Variants in CNIH2 observed in about 807,000 individuals in gnomAD.
CNIH2 encodes cornichon family AMPA receptor auxiliary protein 2.
A neutral mutation model predicts 22.9 loss-of-function variants in CNIH2; 8 were observed. The ratio of observed to expected loss-of-function variants is 0.35; its 90% CI spans 0.20 to 0.63. The LOEUF is 0.63. Among genes scored for constraint, CNIH2 ranks in the 30% least tolerant of loss-of-function variants. The probability of loss-of-function intolerance (pLI) is 0.72; values close to 1 mark genes in which losing one functional copy is unlikely to be tolerated. For synonymous variants in CNIH2, 74 were observed against 78.2 expected (o/e 0.95, Z 0.28); for missense variants, 105 against 206.2 (o/e 0.51, Z 3.01).
At position 66,283,743 on chromosome 11, in the gene CNIH2, G is replaced by C. The variant is rs1474844511; in HGVS notation, c.*146G>C. On this transcript the variant is annotated 3_prime_UTR_variant, in exon 6 of 6. Transcript: ENST00000311445. ...TCTCCAACCCCCAAACTGCTGCTGCGGGGAACCCCCCCCACCCCGCCTTCA... is the reference window on the plus strand; with the variant it reads ...TCTCCAACCCCCAAACTGCTGCTGCCGGGAACCCCCCCCACCCCGCCTTCA... 5.8e-6 allele frequency: 5 copies of C among 858,388 alleles called. No homozygotes were observed. Among genetic ancestry groups the C allele is most frequent in the Non-Finnish European group, 8.9e-6 (5 of 561,936 alleles). 53.2% of individuals were successfully genotyped at this position (858,388 alleles called of 1,614,324 possible). A position where few individuals can be genotyped will look rare whatever the true frequency, so the allele number is the denominator to read the frequency against.
Position 66,281,139 on chromosome 11 carries a change from C to T in CNIH2, c.82-1120C>T, listed in dbSNP as rs80213880. Among the ~76,000 whole-genome samples the T allele has an allele frequency of 9.5e-3, 1,445 of 152,306 alleles. 20 individuals carry two copies. Among genetic ancestry groups the T allele is most frequent in the African/African-American group, 0.032 (1,327 of 41,548 alleles). ...GCTGTAGAATCCCATGCACGCCTTC[C>T]GTCTCCACTACAACTCTCCTCACTC... On this transcript the variant is annotated intron_variant, in intron 1 of 5. Coordinates refer to ENST00000311445, the MANE Select transcript of CNIH2 (RefSeq NM_182553.3).
At chr11:66,281,907 C>T (rs1303526168) in intron 1 of CNIH2, among the ~76,000 whole-genome samples, 1 of 152,226 alleles carries the variant, frequency 6.6e-6, no homozygotes, top group South Asian at 2.1e-4. Context: ...GTGATCATCC[C>T]TCTGGGCCTG....
intron 2 of CNIH2, 163 bp downstream of exon 2, chr11:66,282,490 A>G: frequency 4.1e-6 from 4 of 964,212 alleles, no homozygotes; most frequent in Non-Finnish European, 4.8e-6. Context: ...GCGCGGGCTC[A>G]GGGCTGAGTT....
chr11:66,282,628 A>G (rs1857277691), intron 2 of CNIH2, 105 bp from the exon 3 acceptor site: 4 of 1,356,874 alleles, frequency 2.9e-6, no homozygotes, highest in African/African-American at 1.4e-5. Context: ...ACAGTGCCGC[A>G]GAGATCGCTC....
chr11:66,278,813 G>T (rs1400324925), intron 1 of CNIH2, among the ~76,000 whole-genome samples: 1 of 150,160 alleles, frequency 6.7e-6, no homozygotes, highest in Admixed American at 6.6e-5. Flanking sequence ...CCCGTGAGGT[G>T]GGGGGTGGAA....
intron 3 of CNIH2, 50 bp downstream of exon 3, chr11:66,282,830 ACTGT>A (rs748580114): frequency 7.6e-6 from 12 of 1,580,056 alleles, no homozygotes; most frequent in Non-Finnish European, 1.0e-5. Context: ...CGCTGCCCCC[ACTGT>A]CTGTGGCCCA....
intron 1 of CNIH2, chr11:66,281,609 G>A (rs567331848): frequency 9.1e-5 from 35 of 384,940 alleles, no homozygotes; most frequent in African/African-American, 6.9e-4. Flanking sequence ...CTCACAGGGC[G>A]CCCATGTCTG....
At position 66,283,148 on chromosome 11, in the gene CNIH2, G is replaced by A; in HGVS notation, c.311+1G>A. ...CCCTCCTCTTCTACCACCTCTGGAG[G>A]TGAGGGTAGCAGCTGCCTTGGGGAG... On this transcript the variant is annotated splice_donor_variant, in intron 4 of 5. Coordinates refer to ENST00000311445, the MANE Select transcript of CNIH2 (RefSeq NM_182553.3). LOFTEE classifies it high-confidence loss of function. 6.2e-7 allele frequency: 1 copy of A among 1,613,846 alleles called. No homozygotes were observed. Among genetic ancestry groups the A allele is most frequent in the Non-Finnish European group, 8.5e-7 (1 of 1,179,858 alleles).
Position 66,283,491 on chromosome 11 carries a change from CA to C in CNIH2, c.456-78del. 3.1e-6 allele frequency: 5 copies of C among 1,608,214 alleles called. No homozygotes were observed. In the South Asian group the frequency reaches 5.5e-5, roughly 18 times the overall value. On this transcript the variant is annotated intron_variant, in intron 5 of 5. Coordinates refer to ENST00000311445, the MANE Select transcript of CNIH2 (RefSeq NM_182553.3). ...GCCTTTTGCCCCTGAGGACTGAGGGCAGCCCAGGGTGTGACCAGGTGGGCAT... is the reference window on the plus strand; with the variant it reads ...GCCTTTTGCCCCTGAGGACTGAGGGCGCCCAGGGTGTGACCAGGTGGGCAT...
intron 5 of CNIH2, 64 bp downstream of exon 5, chr11:66,283,455 C>T (rs1010485188): frequency 1.2e-6 from 2 of 1,611,546 alleles, no homozygotes; most frequent in Non-Finnish European, 1.7e-6. Flanking sequence ...CGCTTCCAAT[C>T]CCAAGTTCCT....
intron 1 of CNIH2, among the ~76,000 whole-genome samples, chr11:66,279,906 G>A (rs1230910308): frequency 6.6e-6 from 1 of 152,094 alleles, no homozygotes; most frequent in Non-Finnish European, 1.5e-5. Flanking sequence ...CCTCTCCCCC[G>A]CACCCCGAGT....
rs1197794168 is a variant in CNIH2 at position 66,282,249 on chromosome 11, C to T, written c.82-10C>T. 6.2e-7 allele frequency: 1 copy of T among 1,613,122 alleles called. No homozygotes were observed. Among genetic ancestry groups the T allele is most frequent in the Admixed American group, 1.7e-5 (1 of 60,010 alleles). On this transcript the variant is annotated splice_polypyrimidine_tract_variant and intron_variant, in intron 1 of 5. Transcript: ENST00000311445. ...GCCCCAACCCTGACGGGCACACGCC[C>T]CTCCCCCAGATCATAGCCTTTGATG...
Position 66,283,409 on chromosome 11 carries a change from G to C in CNIH2, c.455+18G>C, listed in dbSNP as rs1337528671. 2 of 1,614,024 alleles carry C rather than the reference G, an allele frequency of 1.2e-6. No individual in the cohort carries two copies. The highest frequency in any genetic ancestry group is 1.7e-6 in the Non-Finnish European group (2 of 1,179,910). On this transcript the variant is annotated intron_variant, in intron 5 of 5. Coordinates refer to ENST00000311445, the MANE Select transcript of CNIH2 (RefSeq NM_182553.3). ...CTGTACAGGTGAGGCCTTGCCCACA[G>C]CAGTCAGAACTCAGGGAAGGGATGT...
At chr11:66,282,478 T>TG in intron 2 of CNIH2, 151 bp downstream of exon 2, 1 of 1,027,124 alleles carries the variant, frequency 9.7e-7, no homozygotes, top group Non-Finnish European at 1.5e-6. Flanking sequence ...AGCAAACACC[T>TG]GGCGCGGGCT....
At chr11:66,281,460 G>A (rs894870484) in intron 1 of CNIH2, 7 of 456,256 alleles carry the variant, frequency 1.5e-5, no homozygotes, top group South Asian at 4.6e-5. Flanking sequence ...CAGTGAGCTC[G>A]GATTTCCTGC....
intron 1 of CNIH2, 75 bp downstream of exon 1, chr11:66,278,612 C>A: frequency 8.8e-7 from 1 of 1,139,874 alleles, no homozygotes. Context: ...GGACCCAGGG[C>A]GGGTGGTCTC....
rs556964352 is a variant in CNIH2, at chr11:66,278,385, G to T, written c.-72G>T. On this transcript the variant is annotated 5_prime_UTR_variant, in exon 1 of 6. Transcript: ENST00000311445. The stretch of plus-strand genomic sequence containing the variant: ...GCCATGCCCGGCCGGCCCTAAGCGC[G>T]GGCCGGGGGGCGTCCCCTTGCGCCC... 37 of 557,044 alleles carry T rather than the reference G, an allele frequency of 6.6e-5. No homozygotes were observed. In the African/African-American group the frequency reaches 7.4e-4, roughly 11 times the overall value. The allele number at this position is 557,044 out of a possible 1,614,324, so 34.5% of individuals were successfully genotyped here.
At chr11:66,281,607 G>A in intron 1 of CNIH2, 3 of 389,744 alleles carry the variant, frequency 7.7e-6, no homozygotes, top group Non-Finnish European at 1.6e-5. Flanking sequence ...GCCTCACAGG[G>A]CGCCCATGTC....
chr11:66,283,566 A>G lies in CNIH2; in HGVS notation c.456-4A>G. 1 of 1,593,274 alleles carries G rather than the reference A, an allele frequency of 6.3e-7. No individual in the cohort carries two copies. Among genetic ancestry groups the G allele is most frequent in the Non-Finnish European group, 8.6e-7 (1 of 1,169,042 alleles). On this transcript the variant is annotated splice_region_variant and splice_polypyrimidine_tract_variant and intron_variant, in intron 5 of 5. Transcript: ENST00000311445. ...GCTAGGCTCACTGGCTCATCTTCCT[A>G]CAGTATGGTTTATACGTTGGTGAGT...
Sources: gnomAD v4.1 joint callset for allele counts (sites outside exome capture counted in the v4.1 genomes callset) on GRCh38, gnomAD v4.1.1 for gene constraint, MANE v1.5 for transcripts, NCBI Gene and HGNC (gene_info 2026-07-23, HGNC 2026-07-21) for gene names.